The following ZNF235 variants were observed in gnomAD, a reference collection of about 807,000 sequenced individuals.
The protein encoded by ZNF235 is zfp-93.
Under a neutral mutation model 29.4 loss-of-function variants are expected in ZNF235, and 25 were observed. That is an observed-to-expected ratio of 0.85 (90% CI 0.62 to 1.19). The LOEUF is 1.19. Ranked by LOEUF, ZNF235 falls within the 50% of genes most tolerant of loss-of-function variation. The pLI, the probability that ZNF235 is intolerant of heterozygous loss-of-function variation, is 0.00. For synonymous variants in ZNF235, 300 were observed against 295.3 expected, an observed-to-expected ratio of 1.02 and a Z score of -0.16; for missense variants, 788 against 885.0, an observed-to-expected ratio of 0.89 and a Z score of 1.39.
chr19:44,289,135 C>A lies in ZNF235; in HGVS notation c.300G>T (p.Leu100=). The change falls in exon 5 of 5, where the codon CTG becomes CTT. Residue 100 remains leucine (L), a synonymous_variant. Coordinates refer to ENST00000291182, the MANE Select transcript of ZNF235 (RefSeq NM_004234.4). Reference sequence around the variant, plus strand: ...TGATTTGCCAGCATGAAAGCTCTCCCAGTGAAAAGCACCTTAATCCTGCTT... The same window carrying A: ...TGATTTGCCAGCATGAAAGCTCTCCAAGTGAAAAGCACCTTAATCCTGCTT... ...LHKAGLRCFS[L]GELSCWQIKR... 1.2e-6 allele frequency: 2 copies of A among 1,614,052 alleles called. No homozygotes were observed. The highest frequency in any genetic ancestry group is 8.5e-7 in the Non-Finnish European group (1 of 1,180,000).
chr19:44,300,330 T>G (rs1395923619), intron 2 of ZNF235, among the ~76,000 whole-genome samples: 1 of 152,220 alleles, frequency 6.6e-6, no homozygotes, highest in African/African-American at 2.4e-5. Context: ...TGACATACAG[T>G]AAGTACTCAA....
At chr19:44,303,350 A>G in intron 2 of ZNF235, 40 bp downstream of exon 2, 1 of 1,603,560 alleles carries the variant, frequency 6.2e-7, no homozygotes. Flanking sequence ...TTGTGAAATG[A>G]GATGTCATTT....
chr19:44,288,494 G>T lies in ZNF235; in HGVS notation c.941C>A (p.Thr314Asn), dbSNP rs1226617409. The T allele has an allele frequency of 6.2e-7, 1 of 1,614,018 alleles. No homozygotes were observed. Among genetic ancestry groups the T allele is most frequent in the Admixed American group, 1.7e-5 (1 of 59,996 alleles). ...ATGACACCAATAGCGTTTTTTCCCAGTACGAACACTTTGTTGAACAGGAAT... is the reference window on the plus strand; with the variant it reads ...ATGACACCAATAGCGTTTTTTCCCATTACGAACACTTTGTTGAACAGGAAT... Reference protein sequence around the residue: ...SGIPVQQSVRTGKKRYWCHEC... With the variant: ...SGIPVQQSVRNGKKRYWCHEC... The change falls in exon 5 of 5, where the codon ACT becomes AAT. Residue 314 changes from threonine (T) to asparagine (N), a missense_variant. By Grantham distance (65) the Thr-to-Asn change is moderately conservative. Transcript: ENST00000291182.
chr19:44,295,194 G>T (rs1422171965), intron 4 of ZNF235, among the ~76,000 whole-genome samples: 1 of 151,756 alleles, frequency 6.6e-6, no homozygotes, highest in Non-Finnish European at 1.5e-5. Context: ...AATCCCTAAA[G>T]ACTCCTCCAA....
chr19:44,298,748 T>C (rs16978910), intron 4 of ZNF235, 60 bp downstream of exon 4: 13,166 of 1,286,442 alleles, frequency 0.01, 309 homozygotes, highest in African/African-American at 0.091. Flanking sequence ...GAGAAGAAAT[T>C]ATCCTGAATA....
At chr19:44,295,515 G>T (rs930360546) in intron 4 of ZNF235, among the ~76,000 whole-genome samples, 6 of 152,010 alleles carry the variant, frequency 3.9e-5, no homozygotes, top group African/African-American at 1.4e-4. Context: ...AGACCATACT[G>T]CCCAAAGCAA....
Position 44,304,983 on chromosome 19 carries a change from T to C in ZNF235, c.-61A>G. 5 of 978,310 alleles carry C rather than the reference T, an allele frequency of 5.1e-6. No individual in the cohort carries two copies. Among genetic ancestry groups the C allele is most frequent in the Non-Finnish European group, 6.1e-6 (5 of 823,426 alleles). The allele number at this position is 978,310 out of a possible 1,614,324, so 60.6% of individuals were successfully genotyped here. On this transcript the variant is annotated 5_prime_UTR_variant, in exon 1 of 5. In the 5' UTR this introduces an upstream ATG that the reference lacks. Transcript: ENST00000291182. Reference sequence around the variant, plus strand: ...GGAGCTGACTCACCTCCCTGGGAGATATCTCAGATCCGACCTCGCCTTCCT... The same window carrying C: ...GGAGCTGACTCACCTCCCTGGGAGACATCTCAGATCCGACCTCGCCTTCCT...
intron 4 of ZNF235, among the ~76,000 whole-genome samples, chr19:44,292,043 T>C (rs1254219020): frequency 6.6e-6 from 1 of 152,042 alleles, no homozygotes; most frequent in African/African-American, 2.4e-5. Flanking sequence ...ATAAAAAGGA[T>C]AAATCAAGAC....
rs1975548999 is a variant in ZNF235 at position 44,289,103 on chromosome 19, T to C, written c.332A>G (p.His111Arg). ...ACTTCTGGCTAATTTGCTCGCAATG[T>C]GTCTCTTGATTTGCCAGCATGAAAG... Reference protein sequence around the residue: ...GELSCWQIKRHIASKLARSQD... With the variant: ...GELSCWQIKRRIASKLARSQD... The change falls in exon 5 of 5, where the codon CAC (histidine) becomes CGC (arginine). Residue 111 changes from histidine (H) to arginine (R), a missense_variant. Coordinates refer to ENST00000291182, the MANE Select transcript of ZNF235 (RefSeq NM_004234.4). The C allele has an allele frequency of 1.2e-6, 2 of 1,614,190 alleles. No individual in the cohort carries two copies. Among genetic ancestry groups the C allele is most frequent in the Non-Finnish European group, 1.7e-6 (2 of 1,180,018 alleles).
At chr19:44,300,406 G>A (rs932375794) in intron 2 of ZNF235, among the ~76,000 whole-genome samples, 1 of 152,148 alleles carries the variant, frequency 6.6e-6, no homozygotes, top group African/African-American at 2.4e-5. Flanking sequence ...ATAGCTGCAT[G>A]ATAGTCCATA....
intron 4 of ZNF235, 110 bp downstream of exon 4, chr19:44,298,698 G>T: frequency 1.2e-6 from 1 of 834,614 alleles, no homozygotes; most frequent in South Asian, 1.8e-5. Context: ...GCCCAACCAT[G>T]ACAGATGTTT....
chr19:44,303,838 G>A (rs1327038149), intron 1 of ZNF235, among the ~76,000 whole-genome samples: 1 of 152,136 alleles, frequency 6.6e-6, no homozygotes, highest in Non-Finnish European at 1.5e-5. Context: ...ATCTCTCTGT[G>A]CCTTAATTCA....
chr19:44,304,821 C>T (rs1229009734), intron 1 of ZNF235, 150 bp downstream of exon 1: 1 of 985,442 alleles, frequency 1.0e-6, no homozygotes, highest in Non-Finnish European at 1.2e-6. Context: ...GAGGTTCTGC[C>T]GAGGGGACGC....
In ZNF235 at chr19:44,293,040, A is replaced by T. The variant is rs560663836; in HGVS notation, c.239-3844T>A. Among the ~76,000 whole-genome samples the T allele has an allele frequency of 2.8e-4, 42 of 152,250 alleles. No individual in the cohort carries two copies. In the Middle Eastern group the frequency reaches 0.014, roughly 49 times the overall value. ...ACAAATACTTAGGGAGTTTGTCACC[A>T]CTAGACCAGGTCTACAGGGAATGCT... On this transcript the variant is annotated intron_variant, in intron 4 of 4. Transcript: ENST00000291182.
intron 4 of ZNF235, among the ~76,000 whole-genome samples, chr19:44,295,819 G>GA (rs1306785958): frequency 1.3e-5 from 2 of 151,944 alleles, no homozygotes; most frequent in Non-Finnish European, 2.9e-5. Context: ...TGATAAAGTC[G>GA]AAAAAAACAT....
At chr19:44,289,394 T>G (rs543702425) in intron 4 of ZNF235, 198 bp from the exon 5 acceptor site, 2 of 553,722 alleles carry the variant, frequency 3.6e-6, no homozygotes, top group East Asian at 3.1e-5. Context: ...ATATTTAAGA[T>G]AGAAAATTTG....
chr19:44,304,342 G>A lies in ZNF235; in HGVS notation c.-49+629C>T, dbSNP rs969797496. On this transcript the variant is annotated intron_variant, in intron 1 of 4. Coordinates refer to ENST00000291182, the MANE Select transcript of ZNF235 (RefSeq NM_004234.4). Reference sequence around the variant, plus strand: ...ACTCTGCAAATCCGTAATGACGATCGCTTATCTGAGATAAAACACACAGGA... The same window carrying A: ...ACTCTGCAAATCCGTAATGACGATCACTTATCTGAGATAAAACACACAGGA... Among the ~76,000 whole-genome samples the A allele has an allele frequency of 4.6e-5, 7 of 152,260 alleles. No homozygotes were observed. In the East Asian group the frequency reaches 1.4e-3, roughly 29 times the overall value.
intron 1 of ZNF235, among the ~76,000 whole-genome samples, chr19:44,304,334 T>A (rs935913159): frequency 6.6e-6 from 1 of 152,190 alleles, no homozygotes; most frequent in Non-Finnish European, 1.5e-5. Context: ...AAATCCGTAA[T>A]GACGATCGCT....
intron 2 of ZNF235, among the ~76,000 whole-genome samples, chr19:44,302,912 A>ATGTATATATT (rs1255314516): frequency 1.2e-5 from 1 of 80,892 alleles, no homozygotes; most frequent in African/African-American, 3.6e-5. Flanking sequence ...ATAAATATAT[A>ATGTATATATT]CGTATATATT....
Sources: gnomAD v4.1 joint callset for allele counts (sites outside exome capture counted in the v4.1 genomes callset) on GRCh38, gnomAD v4.1.1 for gene constraint, MANE v1.5 for transcripts, NCBI Gene and HGNC (gene_info 2026-07-23, HGNC 2026-07-21) for gene names.